The following DCC variants were observed in gnomAD, a reference collection of about 807,000 sequenced individuals.
DCC encodes netrin receptor DCC.
DCC carries 58 observed loss-of-function variants against 172.5 expected under a neutral mutation model. That is an observed-to-expected ratio of 0.34 (90% confidence interval 0.27 to 0.42). DCC has a LOEUF of 0.42. Among genes scored for constraint, DCC ranks in the 10% least tolerant of loss-of-function variants. DCC has a pLI of 1.00. For synonymous variants in DCC, 709 were observed against 644.5 expected (o/e 1.10, Z -1.52); for missense variants, 1,740 against 1,791.0 (o/e 0.97, Z 0.51).
At chr18:52,752,982 CAT>C (rs200884691) in intron 2 of DCC, among the ~76,000 whole-genome samples, 1 of 147,338 alleles carries the variant, frequency 6.8e-6, no homozygotes, top group Non-Finnish European at 1.5e-5. Context: ...GTATGTATAT[CAT>C]ATATACACAC....
At chr18:52,883,726 AGT>A (rs1423878537) in intron 2 of DCC, among the ~76,000 whole-genome samples, 2 of 2,504 alleles carry the variant, frequency 8.0e-4, no homozygotes, top group Non-Finnish European at 0.011. Flanking sequence ...TCTACTTAAG[AGT>A]AGTAGTTTAT....
chr18:52,360,005 G>A (rs1984549217), intron 1 of DCC, among the ~76,000 whole-genome samples: 2 of 152,082 alleles, frequency 1.3e-5, no homozygotes, highest in African/African-American at 4.8e-5. Flanking sequence ...ATAATTCCTA[G>A]ATAAATAGAT....
chr18:52,613,154 C>T (rs10469012), intron 1 of DCC, among the ~76,000 whole-genome samples: 67,213 of 152,006 alleles, frequency 0.44, 15,734 homozygotes, highest in Middle Eastern at 0.51. Context: ...ATTATTTTCC[C>T]CTAATGTATC....
At chr18:52,782,513 A>G (rs1043065454) in intron 2 of DCC, among the ~76,000 whole-genome samples, 1 of 151,532 alleles carries the variant, frequency 6.6e-6, no homozygotes, top group African/African-American at 2.4e-5. Context: ...TAGTGTCCCA[A>G]ATTTATTCCT....
chr18:52,658,761 A>C (rs531220991), intron 1 of DCC, among the ~76,000 whole-genome samples: 2 of 151,342 alleles, frequency 1.3e-5, no homozygotes, highest in South Asian at 4.1e-4. Context: ...GAAAATATTT[A>C]AAAAAAAATA....
At chr18:52,718,535 C>G (rs1193697123) in intron 1 of DCC, among the ~76,000 whole-genome samples, 1 of 152,108 alleles carries the variant, frequency 6.6e-6, no homozygotes, top group East Asian at 1.9e-4. Flanking sequence ...GAGGGCTAGT[C>G]TAATGGTCTG....
At chr18:53,458,189 GA>G (rs1488430389) in intron 23 of DCC, among the ~76,000 whole-genome samples, 1 of 152,108 alleles carries the variant, frequency 6.6e-6, no homozygotes, top group Non-Finnish European at 1.5e-5. Flanking sequence ...TTTCTTACAA[GA>G]GACATTATTT....
chr18:53,414,250 A>C (rs1910164799), intron 20 of DCC, among the ~76,000 whole-genome samples: 1 of 152,170 alleles, frequency 6.6e-6, no homozygotes. Flanking sequence ...AAGATAAATA[A>C]ATTCTGCAGC....
chr18:52,488,708 G>A (rs960679105), intron 1 of DCC, among the ~76,000 whole-genome samples: 3 of 152,034 alleles, frequency 2.0e-5, no homozygotes, highest in South Asian at 4.1e-4. Context: ...TAAATGCAAC[G>A]TTTCAAGCTA....
chr18:53,072,459 C>T (rs1444641133), intron 7 of DCC, among the ~76,000 whole-genome samples: 1 of 152,142 alleles, frequency 6.6e-6, no homozygotes, highest in Non-Finnish European at 1.5e-5. Flanking sequence ...TGTTGCATGG[C>T]ATTCCGTTTT....
intron 1 of DCC, among the ~76,000 whole-genome samples, chr18:52,733,822 A>G (rs1488553606): frequency 6.6e-6 from 1 of 152,164 alleles, no homozygotes; most frequent in African/African-American, 2.4e-5. Context: ...CCACACCGAA[A>G]GAAGTTTCCA....
chr18:52,494,322 G>A (rs1188052282), intron 1 of DCC, among the ~76,000 whole-genome samples: 1 of 151,080 alleles, frequency 6.6e-6, no homozygotes, highest in Non-Finnish European at 1.5e-5. Flanking sequence ...GTGTGTGTTG[G>A]TGTTTATCTT....
intron 2 of DCC, among the ~76,000 whole-genome samples, chr18:52,904,379 C>T (rs9951190): frequency 2.8e-3 from 433 of 152,266 alleles, no homozygotes; most frequent in African/African-American, 0.01. Flanking sequence ...TGGTCCAAAA[C>T]TCTAATCCCT....
chr18:53,229,883 A>G (rs1293692219), intron 12 of DCC, among the ~76,000 whole-genome samples: 5 of 152,294 alleles, frequency 3.3e-5, no homozygotes, highest in African/African-American at 1.2e-4. Flanking sequence ...GCATGAACAC[A>G]TACATCTTAC....
chr18:53,241,624 T>C (rs1053937190), intron 12 of DCC, among the ~76,000 whole-genome samples: 2 of 152,130 alleles, frequency 1.3e-5, no homozygotes, highest in Admixed American at 6.5e-5. Flanking sequence ...CAGGCAGAGG[T>C]ACCTCTGCTT....
At chr18:52,774,882 A>C (rs1299501601) in intron 2 of DCC, among the ~76,000 whole-genome samples, 4 of 152,220 alleles carry the variant, frequency 2.6e-5, no homozygotes, top group Admixed American at 2.0e-4. Flanking sequence ...TCCTCACTTT[A>C]CTTAGTAACA....
intron 12 of DCC, among the ~76,000 whole-genome samples, chr18:53,228,783 C>T (rs1041355118): frequency 3.9e-5 from 6 of 152,104 alleles, no homozygotes; most frequent in Admixed American, 2.6e-4. Flanking sequence ...CTTTAAGGAA[C>T]ATAACAATAC....
At chr18:53,258,348 T>C (rs2056549444) in intron 12 of DCC, among the ~76,000 whole-genome samples, 1 of 152,220 alleles carries the variant, frequency 6.6e-6, no homozygotes, top group Non-Finnish European at 1.5e-5. Flanking sequence ...GGTGGGCATT[T>C]AGTGCTACAA....
At chr18:53,085,995 C>CTTTCT (rs1361059748) in intron 7 of DCC, among the ~76,000 whole-genome samples, 1 of 50,124 alleles carries the variant, frequency 2.0e-5, no homozygotes, top group Non-Finnish European at 3.6e-5. Flanking sequence ...TCTTCTCCTT[C>CTTTCT]TCCTTCTTCT....
Sources: gnomAD v4.1 joint callset for allele counts (sites outside exome capture counted in the v4.1 genomes callset) on GRCh38, gnomAD v4.1.1 for gene constraint, MANE v1.5 for transcripts, NCBI Gene and HGNC (gene_info 2026-07-23, HGNC 2026-07-21) for gene names.